Variants in TENM2 observed in about 807,000 individuals in gnomAD.
The protein encoded by TENM2 is teneurin-2.
A neutral mutation model predicts 245.2 loss-of-function variants in TENM2; 52 were observed. The ratio of observed to expected loss-of-function variants is 0.21; its 90% confidence interval spans 0.17 to 0.27. The LOEUF (loss-of-function observed/expected upper bound fraction) is 0.27, where lower values mean the gene tolerates loss of function less well. Among genes scored for constraint, TENM2 ranks in the 10% least tolerant of loss-of-function variants. The probability of loss-of-function intolerance (pLI) is 1.00; values close to 1 mark genes in which losing one functional copy is unlikely to be tolerated. For synonymous variants in TENM2, 1,363 were observed against 1,438.9 expected (o/e 0.95, Z 1.19); for missense variants, 3,046 against 3,666.8 (o/e 0.83, Z 4.37).
At chr5:167,530,941 G>T (rs1771454094) in intron 2 of TENM2, among the ~76,000 whole-genome samples, 1 of 152,322 alleles carries the variant, frequency 6.6e-6, no homozygotes, top group Middle Eastern at 3.4e-3. Flanking sequence ...AGGCTGAAGA[G>T]GGTACAGGAC....
At position 167,640,875 on chromosome 5, in the gene TENM2, A is replaced by C. The variant is rs568193736; in HGVS notation, c.503-235111A>C. Among the ~76,000 whole-genome samples the C allele has an allele frequency of 1.1e-4, 6 of 53,832 alleles. 1 individual carries two copies. The highest frequency in any genetic ancestry group is 6.1e-4 in the South Asian group (1 of 1,642). 35.3% of individuals were successfully genotyped at this position (53,832 alleles called of 152,430 possible). On this transcript the variant is annotated intron_variant, in intron 2 of 28. Transcript: ENST00000518659. ...TATATATATCCATATATATATATATATATATATATATATATATATATATAT... is the reference window on the plus strand; with the variant it reads ...TATATATATCCATATATATATATATCTATATATATATATATATATATATAT...
chr5:167,787,420 A>C (rs1005574565), intron 2 of TENM2, among the ~76,000 whole-genome samples: 1 of 152,224 alleles, frequency 6.6e-6, no homozygotes, highest in African/African-American at 2.4e-5. Context: ...GGCTGAATCC[A>C]GAGCTTCATG....
chr5:167,405,381 A>T (rs1762574516), intron 2 of TENM2, among the ~76,000 whole-genome samples: 1 of 152,018 alleles, frequency 6.6e-6, no homozygotes, highest in Non-Finnish European at 1.5e-5. Flanking sequence ...GTGATCCTTT[A>T]TTTCTCATTT....
chr5:168,237,322 C>G (rs1765595130), intron 25 of TENM2, among the ~76,000 whole-genome samples: 1 of 151,642 alleles, frequency 6.6e-6, no homozygotes, highest in South Asian at 2.1e-4. Context: ...CCAGCCTAAT[C>G]ATATTTTCTA....
At chr5:168,219,134 A>G in intron 23 of TENM2, 135 bp downstream of exon 25, 1 of 845,088 alleles carries the variant, frequency 1.2e-6, no homozygotes, top group Admixed American at 2.7e-5. Flanking sequence ...TTATGGCCTC[A>G]AGACATTCAT....
At chr5:167,088,361 T>C in the TENM2 span, among the ~76,000 whole-genome samples, 6 of 152,158 alleles carry the variant, frequency 3.9e-5, no homozygotes, top group Non-Finnish European at 7.3e-5. Context: ...GCGCGGTGAC[T>C]CATGCCTGTA....
intron 2 of TENM2, among the ~76,000 whole-genome samples, chr5:167,874,177 C>T (rs7727799): frequency 0.97 from 146,963 of 152,244 alleles, 71,134 homozygotes; most frequent in East Asian, 1. Context: ...CACAGCACCA[C>T]GTCATTACAT....
the TENM2 span, among the ~76,000 whole-genome samples, chr5:167,013,839 A>G: frequency 6.6e-6 from 1 of 152,224 alleles, no homozygotes; most frequent in Admixed American, 6.5e-5. Context: ...TGATTGTAAG[A>G]TTACTACTAT....
At chr5:167,979,835 G>A (rs1399347073) in intron 4 of TENM2, among the ~76,000 whole-genome samples, 1 of 152,118 alleles carries the variant, frequency 6.6e-6, no homozygotes, top group Non-Finnish European at 1.5e-5. Context: ...CCGTGTGTAG[G>A]AATAATACGA....
intron 12 of TENM2, among the ~76,000 whole-genome samples, chr5:168,140,276 A>T (rs932829928): frequency 2.6e-5 from 4 of 152,200 alleles, no homozygotes; most frequent in South Asian, 2.1e-4. Context: ...TTGCCCCCAA[A>T]CACAATGAGC....
the TENM2 span, among the ~76,000 whole-genome samples, chr5:167,221,302 G>A: frequency 6.6e-6 from 1 of 152,176 alleles, no homozygotes; most frequent in Non-Finnish European, 1.5e-5. Context: ...AGCAGATATG[G>A]CAAATGAAGA....
intron 5 of TENM2, among the ~76,000 whole-genome samples, chr5:168,009,539 C>T (rs193279682): frequency 4.7e-4 from 71 of 152,194 alleles, no homozygotes; most frequent in Non-Finnish European, 7.4e-4. Context: ...ACTGAAGTCT[C>T]GATTTATTTT....
intron 2 of TENM2, among the ~76,000 whole-genome samples, chr5:167,396,018 A>G (rs565884637): frequency 1.1e-4 from 17 of 152,334 alleles, no homozygotes; most frequent in African/African-American, 4.1e-4. Context: ...GTGGGAATAT[A>G]TAAAATGATA....
intron 2 of TENM2, among the ~76,000 whole-genome samples, chr5:167,628,511 A>G (rs1411696634): frequency 6.6e-6 from 1 of 151,858 alleles, no homozygotes; most frequent in Non-Finnish European, 1.5e-5. Context: ...ATAGTGTTCT[A>G]CCTCCTAAAA....
intron 2 of TENM2, among the ~76,000 whole-genome samples, chr5:167,700,368 A>G (rs1264306554): frequency 6.6e-6 from 1 of 152,120 alleles, no homozygotes; most frequent in East Asian, 1.9e-4. Context: ...AAACATTATC[A>G]CTCGAATCCC....
At chr5:167,604,093 A>G (rs1424508758) in intron 2 of TENM2, among the ~76,000 whole-genome samples, 8 of 152,194 alleles carry the variant, frequency 5.3e-5, no homozygotes, top group African/African-American at 1.9e-4. Flanking sequence ...CTTAAAATTA[A>G]CTAAATTTAA....
intron 2 of TENM2, among the ~76,000 whole-genome samples, chr5:167,576,012 G>T (rs1774654028): frequency 6.6e-6 from 1 of 152,266 alleles, no homozygotes; most frequent in East Asian, 1.9e-4. Context: ...GTGTTGAAGG[G>T]ATGGGCCAAG....
chr5:167,835,707 T>G (rs560469629), intron 2 of TENM2, among the ~76,000 whole-genome samples: 1 of 152,060 alleles, frequency 6.6e-6, no homozygotes, highest in African/African-American at 2.4e-5. Flanking sequence ...AAGCTGCATA[T>G]GAATATAGTA....
intron 4 of TENM2, among the ~76,000 whole-genome samples, chr5:167,977,810 C>T (rs996764583): frequency 6.6e-6 from 1 of 152,092 alleles, no homozygotes; most frequent in Non-Finnish European, 1.5e-5. Context: ...AAAAGTTAAC[C>T]ATTTTATGAC....
Sources: gnomAD v4.1 joint callset for allele counts (sites outside exome capture counted in the v4.1 genomes callset) on GRCh38, gnomAD v4.1.1 for gene constraint, MANE v1.5 for transcripts, NCBI Gene and HGNC (gene_info 2026-07-23, HGNC 2026-07-21) for gene names.